AEBP2: variants seen among roughly 807,000 people sequenced by gnomAD.
The protein encoded by AEBP2 is zinc finger protein AEBP2.
Under a neutral mutation model 50.8 loss-of-function variants are expected in AEBP2, and 10 were observed. That is an observed-to-expected ratio of 0.20 (90% CI 0.12 to 0.33). The LOEUF (loss-of-function observed/expected upper bound fraction) is 0.33. Ranked by LOEUF, AEBP2 falls within the 10% of genes least tolerant of loss-of-function variation. AEBP2 has a pLI of 1.00. For missense variants in AEBP2, 570 were observed against 688.0 expected (o/e 0.83, Z 1.92); for synonymous variants, 296 against 261.3 (o/e 1.13, Z -1.28).
chr12:19,423,234 A>C lies in AEBP2; in HGVS notation c.-17+19018A>C, dbSNP rs909450501. On this transcript the variant is annotated intron_variant, in intron 1 of 3. Coordinates refer to the AEBP2 transcript ENST00000538425. ...TGGTGAATAAGCTGCTAGAAAACCC[A>C]GCAACCTCCTACTTTCCAGGTCTAA... Among the ~76,000 whole-genome samples, 10 of 152,254 alleles carry C rather than the reference A, an allele frequency of 6.6e-5. No homozygotes were observed. In the East Asian group the frequency reaches 1.9e-3, roughly 29 times the overall value.
intron 1 of AEBP2, among the ~76,000 whole-genome samples, chr12:19,444,035 G>T (rs1342274235): frequency 6.6e-6 from 1 of 152,110 alleles, no homozygotes; most frequent in African/African-American, 2.4e-5. Flanking sequence ...ATTTAGCTAT[G>T]TGAAACCGCT....
At chr12:19,431,582 C>A (rs2095751465) in intron 1 of AEBP2, among the ~76,000 whole-genome samples, 1 of 152,158 alleles carries the variant, frequency 6.6e-6, no homozygotes, top group Non-Finnish European at 1.5e-5. Context: ...CTACATATGA[C>A]CTCCTTATGG....
intron 3 of AEBP2, among the ~76,000 whole-genome samples, chr12:19,475,983 T>C (rs12426158): frequency 0.043 from 6,507 of 152,276 alleles, 322 homozygotes; most frequent in Admixed American, 0.14. Flanking sequence ...GTTGTCTGTT[T>C]ATTCTGCTGA....
Position 19,440,280 on chromosome 12 carries a change from G to A in AEBP2, c.581G>A (p.Gly194Asp). 2.0e-6 allele frequency: 3 copies of A among 1,466,226 alleles called. No individual in the cohort carries two copies. Among genetic ancestry groups the A allele is most frequent in the Non-Finnish European group, 2.7e-6 (3 of 1,118,030 alleles). 90.8% of individuals were successfully genotyped at this position (1,466,226 alleles called of 1,614,324 possible). A position where few individuals can be genotyped will look rare whatever the true frequency, so the allele number is the denominator to read the frequency against. Residue 194 changes from glycine to aspartate, a missense_variant, in exon 1 of 8, where the codon GGC (glycine) becomes GAC (aspartate). By Grantham distance (94) the Gly-to-Asp change is moderately conservative (BLOSUM62 -1). Transcript: ENST00000266508. ...GACGAGGGCTACGGGACTGGGGGAG[G>A]CGGAAGCAGCGCGACCTCCGGGGGC... ...GGDEGYGTGG[G>D]GSSATSGGRR...
chr12:19,428,145 G>A (rs1049126203), intron 1 of AEBP2, among the ~76,000 whole-genome samples: 3 of 152,052 alleles, frequency 2.0e-5, no homozygotes, highest in Non-Finnish European at 2.9e-5. Context: ...ACAGGCGGGA[G>A]GATCACCTGG....
chr12:19,508,647 A>G (rs1482676859), intron 5 of AEBP2, among the ~76,000 whole-genome samples: 1 of 152,096 alleles, frequency 6.6e-6, no homozygotes, highest in Non-Finnish European at 1.5e-5. Context: ...CTTTTCTTAT[A>G]CTTTTTTGGG....
intron 1 of AEBP2, among the ~76,000 whole-genome samples, chr12:19,450,267 G>A (rs1314963177): frequency 6.6e-6 from 1 of 151,868 alleles, no homozygotes; most frequent in East Asian, 1.9e-4. Flanking sequence ...GTCATTGTTA[G>A]GCTCAAATCT....
chr12:19,418,923 C>G (rs2095744064), intron 1 of AEBP2: 1 of 152,278 alleles, frequency 6.6e-6, no homozygotes, highest in Admixed American at 6.6e-5. Context: ...CTGAGCCAAC[C>G]TCTCCTACAT....
intron 2 of AEBP2, among the ~76,000 whole-genome samples, chr12:19,465,122 C>A (rs774932365): frequency 6.6e-6 from 1 of 151,932 alleles, no homozygotes; most frequent in Non-Finnish European, 1.5e-5. Context: ...TGGCCGGGCG[C>A]GGTGGCTCGT....
At chr12:19,514,062 C>T (rs1417742554) in intron 6 of AEBP2, among the ~76,000 whole-genome samples, 1 of 151,102 alleles carries the variant, frequency 6.6e-6, no homozygotes, top group Non-Finnish European at 1.5e-5. Context: ...TGCAGTGGTG[C>T]ACTCTTGGCT....
chr12:19,501,098 G>A (rs1048110788), intron 5 of AEBP2, among the ~76,000 whole-genome samples: 4 of 152,190 alleles, frequency 2.6e-5, no homozygotes, highest in African/African-American at 9.6e-5. Context: ...GGGAGGCCTA[G>A]GCAGGTGGAT....
At chr12:19,510,846 T>A (rs1417657664) in intron 5 of AEBP2, among the ~76,000 whole-genome samples, 2 of 147,614 alleles carry the variant, frequency 1.4e-5, no homozygotes, top group Non-Finnish European at 3.0e-5. Flanking sequence ...CTGCAGTACA[T>A]CGCTTTTTAA....
chr12:19,414,871 C>T (rs999294070), intron 1 of AEBP2, among the ~76,000 whole-genome samples: 9 of 149,960 alleles, frequency 6.0e-5, no homozygotes, highest in South Asian at 4.2e-4. Flanking sequence ...TTTAGTGAGC[C>T]GAGATTGTGC....
chr12:19,472,088 T>G (rs1254723311), intron 2 of AEBP2, among the ~76,000 whole-genome samples: 1 of 152,194 alleles, frequency 6.6e-6, no homozygotes, highest in African/African-American at 2.4e-5. Context: ...GTTATACCTA[T>G]TTGACATAAG....
chr12:19,513,322 ATTT>A (rs35311682), intron 6 of AEBP2, among the ~76,000 whole-genome samples: 1 of 150,792 alleles, frequency 6.6e-6, no homozygotes, highest in Admixed American at 6.8e-5. Flanking sequence ...TATTTCATGT[ATTT>A]TTTTATCTTT....
In AEBP2 at chr12:19,439,584, T is replaced by C. The variant is rs2153365812; in HGVS notation, c.-116T>C. The C allele has an allele frequency of 1.5e-6, 2 of 1,362,392 alleles. No homozygotes were observed. Among genetic ancestry groups the C allele is most frequent in the Non-Finnish European group, 1.9e-6 (2 of 1,028,232 alleles). The allele number at this position is 1,362,392 out of a possible 1,614,324, so 84.4% of individuals were successfully genotyped here. A position where few individuals can be genotyped will look rare whatever the true frequency, so the allele number is the denominator to read the frequency against. On this transcript the variant is annotated 5_prime_UTR_variant, in exon 1 of 8. Coordinates refer to ENST00000266508, the MANE Select transcript of AEBP2 (RefSeq NM_153207.5). ...TGACGCAGCTCGCGGGCCCTCCTCC[T>C]GCTCTGCAGCGGCGTCGGCGGAGTT...
At chr12:19,414,698 A>G (rs1305953147) in intron 1 of AEBP2, among the ~76,000 whole-genome samples, 4 of 152,084 alleles carry the variant, frequency 2.6e-5, no homozygotes, top group African/African-American at 9.7e-5. Flanking sequence ...AAGTGGTTTG[A>G]GATCACTTGA....
intron 7 of AEBP2, among the ~76,000 whole-genome samples, chr12:19,517,454 A>G (rs1392462016): frequency 6.6e-6 from 1 of 152,226 alleles, no homozygotes; most frequent in East Asian, 1.9e-4. Flanking sequence ...AAATAATACA[A>G]ATAAGACCAA....
At chr12:19,477,629 G>A (rs182150648) in intron 3 of AEBP2, among the ~76,000 whole-genome samples, 133 of 152,298 alleles carry the variant, frequency 8.7e-4, no homozygotes, top group Admixed American at 2.7e-3. Flanking sequence ...TCCATGGTAT[G>A]AAACCCACTT....
Sources: allele counts gnomAD v4.1 joint callset (sites outside exome capture counted in the v4.1 genomes callset), GRCh38; gene constraint gnomAD v4.1.1; transcripts MANE v1.5; gene names NCBI Gene and HGNC (gene_info 2026-07-23, HGNC 2026-07-21).